PTPRG: variants seen among roughly 807,000 people sequenced by gnomAD.
PTPRG encodes the protein protein tyrosine phosphatase receptor type G.
In PTPRG, 102 loss-of-function variants were observed where a neutral mutation model predicts 165.3. The ratio of observed to expected loss-of-function variants is 0.62; its 90% CI spans 0.53 to 0.73. The LOEUF (loss-of-function observed/expected upper bound fraction) is 0.73. PTPRG is among the 30% of genes least tolerant of loss of function. PTPRG has a pLI of 0.00. For synonymous variants in PTPRG, 675 were observed against 669.5 expected, an observed-to-expected ratio of 1.01 and a Z score of -0.13; for missense variants, 1,866 against 1,861.4, an observed-to-expected ratio of 1.00 and a Z score of -0.05.
intron 8 of PTPRG, among the ~76,000 whole-genome samples, chr3:62,169,944 A>T (rs1705153851): frequency 6.6e-6 from 1 of 152,188 alleles, no homozygotes; most frequent in African/African-American, 2.4e-5. Flanking sequence ...TGATGATATG[A>T]AAGAGCCCAT....
At chr3:62,262,229 A>C (rs766115142) in intron 16 of PTPRG, 2 of 152,210 alleles carry the variant, frequency 1.3e-5, no homozygotes, top group African/African-American at 2.4e-5. Flanking sequence ...TATATATGAG[A>C]TATGACCATT....
In PTPRG at chr3:62,057,700, T is replaced by C. The variant is rs983067278; in HGVS notation, c.520-20463T>C. ...GCTGATGTATGGGAGTCCAGTAGAA[T>C]GCTTAAAAAGAAAGGAAAAAATAGA... On this transcript the variant is annotated intron_variant, in intron 4 of 29. Coordinates refer to ENST00000474889, the MANE Select transcript of PTPRG (RefSeq NM_002841.4). Among the ~76,000 whole-genome samples the C allele has an allele frequency of 2.6e-5, 4 of 152,170 alleles. No homozygotes were observed. In the South Asian group the frequency reaches 6.2e-4, roughly 24 times the overall value.
intron 1 of PTPRG, among the ~76,000 whole-genome samples, chr3:61,696,222 CCGGGCG>C (rs1405843797): frequency 2.6e-5 from 4 of 152,150 alleles, no homozygotes; most frequent in African/African-American, 9.7e-5. Flanking sequence ...TCTAGCCAGG[CCGGGCG>C]CGGTGACTCA....
intron 1 of PTPRG, among the ~76,000 whole-genome samples, chr3:61,567,228 G>C (rs1699934051): frequency 6.6e-6 from 1 of 152,126 alleles, no homozygotes; most frequent in African/African-American, 2.4e-5. Flanking sequence ...TTTTCCACCT[G>C]AGCTTGATCT....
chr3:62,049,555 T>C (rs1700404891), intron 4 of PTPRG, among the ~76,000 whole-genome samples: 1 of 40,414 alleles, frequency 2.5e-5, no homozygotes, highest in Non-Finnish European at 4.6e-5. Context: ...ATTTTCATTG[T>C]CTTGCACCCA....
intron 2 of PTPRG, among the ~76,000 whole-genome samples, chr3:61,785,597 A>G (rs1164964312): frequency 1.3e-5 from 2 of 152,200 alleles, no homozygotes; most frequent in East Asian, 3.8e-4. Flanking sequence ...ACCTGGCTTC[A>G]AATGATAGTG....
intron 5 of PTPRG, among the ~76,000 whole-genome samples, chr3:62,099,128 C>T (rs1001246633): frequency 1.3e-5 from 2 of 152,156 alleles, no homozygotes; most frequent in Non-Finnish European, 2.9e-5. Flanking sequence ...ACCACTGGCA[C>T]TAAAAGTGGG....
At chr3:61,727,899 A>G (rs1402897292) in intron 1 of PTPRG, among the ~76,000 whole-genome samples, 1 of 152,182 alleles carries the variant, frequency 6.6e-6, no homozygotes, top group Non-Finnish European at 1.5e-5. Context: ...GGTTTTATCT[A>G]CTTTACAGTT....
At chr3:61,983,645 A>G (rs1212147870) in intron 2 of PTPRG, among the ~76,000 whole-genome samples, 1 of 152,144 alleles carries the variant, frequency 6.6e-6, no homozygotes, top group Non-Finnish European at 1.5e-5. Flanking sequence ...TAAAGAAACC[A>G]CTGTTTGGAA....
intron 1 of PTPRG, among the ~76,000 whole-genome samples, chr3:61,733,136 T>G (rs1029049191): frequency 6.6e-6 from 1 of 152,206 alleles, no homozygotes; most frequent in Non-Finnish European, 1.5e-5. Flanking sequence ...TTGAGACAGA[T>G]TCTATGAAAT....
chr3:61,893,102 C>T (rs908261168), intron 2 of PTPRG, among the ~76,000 whole-genome samples: 1 of 152,074 alleles, frequency 6.6e-6, no homozygotes, highest in South Asian at 2.1e-4. Flanking sequence ...TGATGAGGTG[C>T]AGATGAATGC....
intron 6 of PTPRG, among the ~76,000 whole-genome samples, chr3:62,149,793 C>T (rs1422956990): frequency 6.6e-6 from 1 of 152,204 alleles, no homozygotes. Context: ...TAGTGTTTTA[C>T]TCAGTTGTGT....
At chr3:61,808,059 A>G (rs554738594) in intron 2 of PTPRG, among the ~76,000 whole-genome samples, 1 of 152,298 alleles carries the variant, frequency 6.6e-6, no homozygotes, top group African/African-American at 2.4e-5. Flanking sequence ...GTGTAATCCT[A>G]TCCAGGCACG....
chr3:61,774,695 T>A (rs981186615), intron 2 of PTPRG, among the ~76,000 whole-genome samples: 1 of 152,254 alleles, frequency 6.6e-6, no homozygotes, highest in African/African-American at 2.4e-5. Context: ...TTGAGAGGAA[T>A]GTTGCATGGA....
At chr3:62,194,688 A>T (rs949366159) in intron 9 of PTPRG, among the ~76,000 whole-genome samples, 47 of 152,136 alleles carry the variant, frequency 3.1e-4, no homozygotes, top group African/African-American at 1.1e-3. Flanking sequence ...CTGTAATCCC[A>T]GCTACTCGGG....
intron 7 of PTPRG, among the ~76,000 whole-genome samples, chr3:62,158,848 A>T (rs996763122): frequency 6.6e-6 from 1 of 152,130 alleles, no homozygotes; most frequent in Non-Finnish European, 1.5e-5. Flanking sequence ...TCAGAACAGG[A>T]TCTGCCAGCC....
Position 62,190,425 on chromosome 3 carries a change from G to A in PTPRG, c.1034-1044G>A, listed in dbSNP as rs985143653. On this transcript the variant is annotated intron_variant, in intron 8 of 29. Transcript: ENST00000474889. This position sits in a 1 kb window ranked among gnomAD's most constrained non-coding sequence, Gnocchi z 5.2. ...CACCCCTGAGAAAGCACACATTTCC[G>A]GCTGACTGGATTGGACCTGTTGAGC... Among the ~76,000 whole-genome samples, 2 of 152,166 alleles carry A rather than the reference G, an allele frequency of 1.3e-5. No individual in the cohort carries two copies. The highest frequency in any genetic ancestry group is 1.5e-5 in the Non-Finnish European group (1 of 68,038).
intron 17 of PTPRG, among the ~76,000 whole-genome samples, chr3:62,264,746 T>C (rs1701810173): frequency 6.6e-6 from 1 of 152,216 alleles, no homozygotes; most frequent in East Asian, 1.9e-4. Flanking sequence ...AATACCGCTA[T>C]GAGCATTCAT....
intron 4 of PTPRG, among the ~76,000 whole-genome samples, chr3:62,028,562 A>AT (rs1699651272): frequency 6.6e-6 from 1 of 152,222 alleles, no homozygotes; most frequent in Non-Finnish European, 1.5e-5. Flanking sequence ...TTGCCACCGT[A>AT]TTATGTTATG....
Sources: allele counts gnomAD v4.1 joint callset (sites outside exome capture counted in the v4.1 genomes callset), GRCh38; gene constraint gnomAD v4.1.1; non-coding constraint Gnocchi (gnomAD v3.1); transcripts MANE v1.5; gene names NCBI Gene and HGNC (gene_info 2026-07-23, HGNC 2026-07-21).